The following EIPR1 variants were observed in gnomAD, a reference collection of about 807,000 sequenced individuals.
EIPR1 encodes EARP complex and GARP complex interacting protein 1, also known as EARP and GARP complex-interacting protein 1.
In EIPR1, 25 loss-of-function variants were observed where a neutral mutation model predicts 48.1. The ratio of observed to expected loss-of-function variants is 0.52; its 90% CI spans 0.38 to 0.73. The LOEUF is 0.73. Among genes scored for constraint, EIPR1 ranks in the 30% least tolerant of loss-of-function variants. The pLI, the probability that EIPR1 is intolerant of heterozygous loss-of-function variation, is 0.00. For synonymous variants in EIPR1, 204 were observed against 201.9 expected (o/e 1.01, Z -0.09); for missense variants, 415 against 506.2 (o/e 0.82, Z 1.73).
At chr2:3,313,194 T>C (rs1669180906) in intron 3 of EIPR1, among the ~76,000 whole-genome samples, 1 of 152,108 alleles carries the variant, frequency 6.6e-6, no homozygotes, top group Non-Finnish European at 1.5e-5. Context: ...ACCCACCCCT[T>C]AGACACAAAG....
chr2:3,298,188 C>T (rs185698940), intron 3 of EIPR1, among the ~76,000 whole-genome samples: 29 of 152,294 alleles, frequency 1.9e-4, no homozygotes, highest in South Asian at 2.1e-4. Context: ...GAGATTCGTG[C>T]GGCCCACTCC....
At chr2:3,353,350 T>C (rs1422510569) in intron 2 of EIPR1, 1 of 469,420 alleles carries the variant, frequency 2.1e-6, no homozygotes, top group Non-Finnish European at 4.4e-6. Context: ...TTGTGCACTT[T>C]GCTTTTTTAC....
intron 3 of EIPR1, among the ~76,000 whole-genome samples, chr2:3,333,571 T>C (rs976127767): frequency 2.6e-5 from 4 of 151,982 alleles, no homozygotes; most frequent in African/African-American, 9.7e-5. Flanking sequence ...ACCTCATCTC[T>C]ACTAGAAATT....
intron 4 of EIPR1, among the ~76,000 whole-genome samples, chr2:3,229,505 G>A (rs1476849402): frequency 1.3e-5 from 2 of 152,178 alleles, no homozygotes; most frequent in East Asian, 1.9e-4. Flanking sequence ...TCACTGCTTC[G>A]TGATTAGCAG....
intron 1 of EIPR1, among the ~76,000 whole-genome samples, chr2:3,355,715 T>TG (rs1670707356): frequency 6.6e-6 from 1 of 151,982 alleles, no homozygotes; most frequent in Non-Finnish European, 1.5e-5. Flanking sequence ...CTCAAGAGGC[T>TG]GGGGCAGGAG....
intron 5 of EIPR1, among the ~76,000 whole-genome samples, chr2:3,206,058 A>G (rs1253519612): frequency 1.3e-5 from 2 of 152,128 alleles, no homozygotes; most frequent in Non-Finnish European, 2.9e-5. Context: ...AGGCGATGGA[A>G]ATGAAATCTG....
chr2:3,190,630 G>T (rs1229739455), intron 8 of EIPR1, among the ~76,000 whole-genome samples: 1 of 152,044 alleles, frequency 6.6e-6, no homozygotes, highest in African/African-American at 2.4e-5. Context: ...TCCGACCAAC[G>T]GGCCCATCAG....
At position 3,210,662 on chromosome 2, in the gene EIPR1, G is replaced by A. The variant is rs559188511; in HGVS notation, c.516+3487C>T. Among the ~76,000 whole-genome samples the A allele has an allele frequency of 1.2e-4, 16 of 128,234 alleles. No homozygotes were observed. In the South Asian group the frequency reaches 1.5e-3, roughly 12 times the overall value. 84.1% of individuals were successfully genotyped at this position (128,234 alleles called of 152,430 possible). ...TTTTTTTTTTTTGAGACGGAGTCTCGCTCTGTCGCCAGGCTGGAGTGCAGT... is the reference window on the plus strand; with the variant it reads ...TTTTTTTTTTTTGAGACGGAGTCTCACTCTGTCGCCAGGCTGGAGTGCAGT... On this transcript the variant is annotated intron_variant, in intron 5 of 8. Coordinates refer to ENST00000382125, the MANE Select transcript of EIPR1 (RefSeq NM_003310.5).
intron 3 of EIPR1, among the ~76,000 whole-genome samples, chr2:3,257,985 T>G (rs1667214351): frequency 6.6e-6 from 1 of 152,210 alleles, no homozygotes; most frequent in African/African-American, 2.4e-5. Context: ...GGTAATGCCA[T>G]TCAGAGGCAT....
At chr2:3,208,983 A>G in intron 5 of EIPR1, 2 of 1,465,152 alleles carry the variant, frequency 1.4e-6, no homozygotes, top group Non-Finnish European at 9.0e-7. Flanking sequence ...AAGAGCTCTC[A>G]TATTATCAAG....
At chr2:3,307,396 G>A (rs1668980303) in intron 3 of EIPR1, among the ~76,000 whole-genome samples, 1 of 152,200 alleles carries the variant, frequency 6.6e-6, no homozygotes, top group Admixed American at 6.5e-5. Context: ...AGAGGGCATT[G>A]GGGTGGGTGC....
At chr2:3,356,603 C>T (rs1670734906) in intron 1 of EIPR1, among the ~76,000 whole-genome samples, 1 of 152,204 alleles carries the variant, frequency 6.6e-6, no homozygotes, top group African/African-American at 2.4e-5. Context: ...TTCTAATCCC[C>T]AGAACCTGTG....
At chr2:3,200,943 G>A (rs1420322732) in intron 5 of EIPR1, among the ~76,000 whole-genome samples, 1 of 152,180 alleles carries the variant, frequency 6.6e-6, no homozygotes, top group Non-Finnish European at 1.5e-5. Flanking sequence ...CAGGGCCTGG[G>A]CACTCCGCAT....
intron 4 of EIPR1, among the ~76,000 whole-genome samples, chr2:3,238,933 G>C (rs540408367): frequency 6.6e-6 from 1 of 152,188 alleles, no homozygotes; most frequent in Non-Finnish European, 1.5e-5. Flanking sequence ...CAGCCAGCCC[G>C]GGATGGAGAA....
intron 3 of EIPR1, among the ~76,000 whole-genome samples, chr2:3,298,946 C>CCG (rs959834757): frequency 8.5e-5 from 13 of 152,148 alleles, no homozygotes; most frequent in African/African-American, 3.1e-4. Flanking sequence ...CTTACCTACC[C>CCG]CGCTCCTGCT....
chr2:3,305,095 ACCAGTTCAGCCCTCCACTCCCGT>A (rs1668892809), intron 3 of EIPR1, among the ~76,000 whole-genome samples: 1 of 22,980 alleles, frequency 4.4e-5, no homozygotes, highest in Non-Finnish European at 8.3e-5. Flanking sequence ...TCCACTCCCA[ACCAGTTCAGCCCTCCACTCCCGT>A]CCAGTTCAGC....
At chr2:3,222,160 C>T (rs1665915537) in intron 4 of EIPR1, among the ~76,000 whole-genome samples, 1 of 152,258 alleles carries the variant, frequency 6.6e-6, no homozygotes, top group African/African-American at 2.4e-5. Flanking sequence ...ACTCTCCCTG[C>T]AGACATATCA....
In EIPR1 at chr2:3,257,435, T is replaced by A. The variant is rs1667194356; in HGVS notation, c.280A>T (p.Thr94Ser). ...YNRTSDSKVL[T>S]CAAVWRMPKE... ...GGCATCCTCCACACGGCTGCACATG[T>A]CAGGACTTTGCTGTCTGAAGCTGAG... Residue 94 changes from threonine (T) to serine (S), a missense_variant, in exon 4 of 9, where the codon ACA becomes TCA. Thr to Ser is a moderately conservative substitution (Grantham distance 58). Transcript: ENST00000382125. 1 of 1,614,042 alleles carries A rather than the reference T, an allele frequency of 6.2e-7. No individual in the cohort carries two copies. Among genetic ancestry groups the A allele is most frequent in the East Asian group, 2.2e-5 (1 of 44,888 alleles).
At position 3,257,210 on chromosome 2, in the gene EIPR1, G is replaced by A. The variant is rs182928720; in HGVS notation, c.416+89C>T. The A allele has an allele frequency of 3.9e-5, 55 of 1,409,160 alleles. 1 individual carries two copies. In the African/African-American group the frequency reaches 5.5e-4, roughly 14 times the overall value. 87.3% of individuals were successfully genotyped at this position (1,409,160 alleles called of 1,614,324 possible). On this transcript the variant is annotated intron_variant, in intron 4 of 8. Coordinates refer to ENST00000382125, the MANE Select transcript of EIPR1 (RefSeq NM_003310.5). ...AAAGGAGCGTTTCCGAGGTGTGGAC[G>A]GTGGCTCCTGCAAAGGAATCTGCAC... is the stretch of plus-strand genomic sequence containing the variant.
Sources: allele counts gnomAD v4.1 joint callset (sites outside exome capture counted in the v4.1 genomes callset), GRCh38; gene constraint gnomAD v4.1.1; transcripts MANE v1.5; gene names NCBI Gene and HGNC (gene_info 2026-07-23, HGNC 2026-07-21).